Variants in DMRT1 observed in about 807,000 individuals in gnomAD.
DMRT1 encodes the protein doublesex- and mab-3-related transcription factor 1.
In DMRT1, 7 loss-of-function variants were observed where a neutral mutation model predicts 32.3. That is an observed-to-expected ratio of 0.22 (90% CI 0.12 to 0.41). The LOEUF (loss-of-function observed/expected upper bound fraction) is 0.41, where lower values mean the gene tolerates loss of function less well. DMRT1 is among the 10% of genes least tolerant of loss of function. The probability of loss-of-function intolerance (pLI) is 1.00; values close to 1 mark genes in which losing one functional copy is unlikely to be tolerated. For synonymous variants in DMRT1, 278 were observed against 206.1 expected (o/e 1.35, Z -2.99); for missense variants, 625 against 500.5 (o/e 1.25, Z -2.37).
intron 1 of DMRT1, among the ~76,000 whole-genome samples, chr9:846,630 G>T (rs1057349730): frequency 6.6e-6 from 1 of 152,128 alleles, no homozygotes; most frequent in Non-Finnish European, 1.5e-5. Flanking sequence ...TCCCAGGCTG[G>T]AGTGCAGTGG....
At position 893,919 on chromosome 9, in the gene DMRT1, T is replaced by C. The variant is rs1817247766; in HGVS notation, c.546T>C (p.Arg182=). Residue 182 remains arginine, a synonymous_variant, in exon 3 of 5, where the codon CGT becomes CGC. Transcript: ENST00000382276. ...SVPTTAASEG[R]MVIQDIPAVT... ...TTTTTTCTTCCAATTTAGAGGGACGTATGGTCATCCAGGATATTCCTGCTG... is the reference window on the plus strand; with the variant it reads ...TTTTTTCTTCCAATTTAGAGGGACGCATGGTCATCCAGGATATTCCTGCTG... The C allele has an allele frequency of 1.2e-6, 2 of 1,613,886 alleles. No individual in the cohort carries two copies.
chr9:856,968 AGTT>A (rs1266103242), intron 2 of DMRT1, among the ~76,000 whole-genome samples: 1 of 152,212 alleles, frequency 6.6e-6, no homozygotes. Context: ...TCTCATGACA[AGTT>A]TAGATTATGA....
chr9:908,458 A>C, intron 3 of DMRT1, among the ~76,000 whole-genome samples: 1 of 61,120 alleles, frequency 1.6e-5, no homozygotes, highest in Non-Finnish European at 4.9e-5. Context: ...CCTGTCTCTA[A>C]AAATGTTTTT....
chr9:891,285 T>TA (rs887303808), intron 2 of DMRT1, among the ~76,000 whole-genome samples: 34 of 150,850 alleles, frequency 2.3e-4, no homozygotes, highest in South Asian at 1.5e-3. Flanking sequence ...CGTCTCTACT[T>TA]AAAAAAAATA....
intron 4 of DMRT1, among the ~76,000 whole-genome samples, chr9:967,297 ATT>A (rs1235965363): frequency 6.6e-6 from 1 of 152,150 alleles, no homozygotes; most frequent in African/African-American, 2.4e-5. Flanking sequence ...CATCCTTCAT[ATT>A]TAATGTGGGT....
chr9:908,133 G>T (rs1817844513), intron 3 of DMRT1, among the ~76,000 whole-genome samples: 1 of 152,106 alleles, frequency 6.6e-6, no homozygotes, highest in Non-Finnish European at 1.5e-5. Flanking sequence ...GATATCCTAT[G>T]GGGTTTCTAT....
At chr9:947,652 C>G (rs1385332074) in intron 4 of DMRT1, among the ~76,000 whole-genome samples, 1 of 152,106 alleles carries the variant, frequency 6.6e-6, no homozygotes, top group African/African-American at 2.4e-5. Flanking sequence ...GAGACAGAGT[C>G]TGACTCTGTT....
At chr9:954,545 C>G (rs989383725) in intron 4 of DMRT1, among the ~76,000 whole-genome samples, 11 of 151,940 alleles carry the variant, frequency 7.2e-5, no homozygotes, top group African/African-American at 2.7e-4. Context: ...GCCCAAGATC[C>G]AAGAGATGAG....
intron 4 of DMRT1, among the ~76,000 whole-genome samples, chr9:940,408 G>A (rs1248973777): frequency 6.6e-6 from 1 of 152,018 alleles, no homozygotes; most frequent in East Asian, 1.9e-4. Flanking sequence ...ACTCCCACAT[G>A]TATGGTCAAA....
Position 874,780 on chromosome 9 carries a change from TAAC to T in DMRT1, c.539-19120_539-19118del, listed in dbSNP as rs537817062. 3.0e-4 allele frequency among the ~76,000 whole-genome samples: 44 copies of T among 146,948 alleles called. No homozygotes were observed. In the South Asian group the frequency reaches 7.9e-3, roughly 26 times the overall value. ...TGTCATAACCCTGTATTAAAAACAA[TAAC>T]AACAACAACAAGTTAATCTTTTTTT... On this transcript the variant is annotated intron_variant, in intron 2 of 4. Coordinates refer to ENST00000382276, the MANE Select transcript of DMRT1 (RefSeq NM_021951.3).
At chr9:862,249 C>G (rs1032306517) in intron 2 of DMRT1, among the ~76,000 whole-genome samples, 1 of 152,118 alleles carries the variant, frequency 6.6e-6, no homozygotes, top group African/African-American at 2.4e-5. Flanking sequence ...TCTGCACTCC[C>G]GGCACCTCGG....
At chr9:864,543 G>GA (rs1242639189) in intron 2 of DMRT1, among the ~76,000 whole-genome samples, 2 of 134,854 alleles carry the variant, frequency 1.5e-5, no homozygotes, top group African/African-American at 2.7e-5. Context: ...CTGTCGCCCA[G>GA]GCTGGAGTGC....
At chr9:884,895 A>T (rs1816866829) in intron 2 of DMRT1, among the ~76,000 whole-genome samples, 1 of 152,124 alleles carries the variant, frequency 6.6e-6, no homozygotes, top group South Asian at 2.1e-4. Context: ...ACTTGAACCC[A>T]AGAAGTGGAG....
rs376220790 is a variant in DMRT1 at position 937,136 on chromosome 9, G to T, written c.967+20229G>T. On this transcript the variant is annotated intron_variant, in intron 4 of 4. Coordinates refer to ENST00000382276, the MANE Select transcript of DMRT1 (RefSeq NM_021951.3). ...CATCTGGCTTATTTCACTAAGCACG[G>T]TGTTTTCAAGGTTCATCCATGTTGT... 1.4e-3 allele frequency among the ~76,000 whole-genome samples: 206 copies of T among 152,286 alleles called. 1 individual carries two copies. Among genetic ancestry groups the T allele is most frequent in the African/African-American group, 4.9e-3 (205 of 41,546 alleles).
intron 3 of DMRT1, among the ~76,000 whole-genome samples, chr9:901,152 C>G (rs1279911685): frequency 6.6e-6 from 1 of 152,098 alleles, no homozygotes; most frequent in Non-Finnish European, 1.5e-5. Context: ...GTAGCTGAGG[C>G]TACAGGCATG....
At chr9:956,277 G>C (rs960242991) in intron 4 of DMRT1, among the ~76,000 whole-genome samples, 1 of 152,190 alleles carries the variant, frequency 6.6e-6, no homozygotes, top group African/African-American at 2.4e-5. Context: ...GGGGAGAAGA[G>C]GATGGACAGT....
At chr9:926,137 A>G (rs1255124762) in intron 4 of DMRT1, among the ~76,000 whole-genome samples, 1 of 149,654 alleles carries the variant, frequency 6.7e-6, no homozygotes, top group East Asian at 2.0e-4. Context: ...AAAAAACTCA[A>G]AAGCAAACTT....
chr9:942,421 G>C (rs553538713), intron 4 of DMRT1, among the ~76,000 whole-genome samples: 1 of 151,984 alleles, frequency 6.6e-6, no homozygotes, highest in African/African-American at 2.4e-5. Flanking sequence ...CTACAGGCGC[G>C]TGCCACCACA....
chr9:842,544 G>A (rs901178347), intron 1 of DMRT1, among the ~76,000 whole-genome samples: 1 of 152,170 alleles, frequency 6.6e-6, no homozygotes, highest in African/African-American at 2.4e-5. Context: ...CGGGGCCCGA[G>A]TTTCTTGAAT....
Sources: allele counts gnomAD v4.1 joint callset (sites outside exome capture counted in the v4.1 genomes callset), GRCh38; gene constraint gnomAD v4.1.1; transcripts MANE v1.5; gene names NCBI Gene and HGNC (gene_info 2026-07-23, HGNC 2026-07-21).